The following NELL1 variants were observed in gnomAD, a reference collection of about 807,000 sequenced individuals.
NELL1 encodes the protein protein kinase C-binding protein NELL1.
NELL1 carries 76 observed loss-of-function variants against 107.4 expected under a neutral mutation model. That is an observed-to-expected ratio of 0.71 (90% CI 0.59 to 0.86). The LOEUF is 0.86. Ranked by LOEUF, NELL1 falls within the 40% of genes least tolerant of loss-of-function variation. The probability of loss-of-function intolerance (pLI) is 0.00; values close to 1 mark genes in which losing one functional copy is unlikely to be tolerated. For missense variants in NELL1, 1,024 were observed against 1,005.5 expected (o/e 1.02, Z -0.25); for synonymous variants, 353 against 341.2 (o/e 1.03, Z -0.38).
intron 12 of NELL1, among the ~76,000 whole-genome samples, chr11:20,983,993 G>A (rs948136951): frequency 6.6e-6 from 1 of 152,018 alleles, no homozygotes; most frequent in Non-Finnish European, 1.5e-5. Context: ...TCTTCCTGCA[G>A]CATTCTTCCC....
At chr11:21,080,665 A>G (rs79675479) in intron 12 of NELL1, among the ~76,000 whole-genome samples, 2,348 of 152,218 alleles carry the variant, frequency 0.015, 62 homozygotes, top group African/African-American at 0.053. Flanking sequence ...ATCTGTGCAC[A>G]TGGTACATGC....
At chr11:20,952,847 C>A (rs939760351) in intron 11 of NELL1, among the ~76,000 whole-genome samples, 3 of 152,144 alleles carry the variant, frequency 2.0e-5, no homozygotes, top group Non-Finnish European at 4.4e-5. Flanking sequence ...AAGGGAAGAC[C>A]CTTAAATGTT....
At chr11:21,179,861 A>ATT (rs1856791147) in intron 13 of NELL1, among the ~76,000 whole-genome samples, 2 of 41,024 alleles carry the variant, frequency 4.9e-5, no homozygotes, top group East Asian at 7.5e-4. Flanking sequence ...AAATCAACAC[A>ATT]CTTTTTTTTT....
intron 12 of NELL1, among the ~76,000 whole-genome samples, chr11:20,976,601 A>G (rs1851641260): frequency 6.6e-6 from 1 of 152,232 alleles, no homozygotes; most frequent in Admixed American, 6.5e-5. Context: ...AAATTTGCAT[A>G]TAATGGCTTT....
Position 20,669,689 on chromosome 11 carries a change from C to T in NELL1, c.-35C>T, listed in dbSNP as rs377595405. On this transcript the variant is annotated 5_prime_UTR_variant, in exon 1 of 20. Coordinates refer to ENST00000357134, the MANE Select transcript of NELL1 (RefSeq NM_006157.5). This position sits in a 1 kb window ranked among gnomAD's most constrained non-coding sequence, Gnocchi z 4.4. ...AGGCTCATTTGCTTCCACCTAGCTT[C>T]GGTGCCCCCTGCTAGGCGGGGACCC... 8 of 1,590,804 alleles carry T rather than the reference C, an allele frequency of 5.0e-6. No individual in the cohort carries two copies. Among genetic ancestry groups the T allele is most frequent in the Admixed American group, 1.7e-5 (1 of 59,864 alleles).
intron 11 of NELL1, among the ~76,000 whole-genome samples, chr11:20,954,870 G>A (rs1851139663): frequency 1.3e-5 from 2 of 152,142 alleles, no homozygotes. Context: ...CATATGCATT[G>A]GAAAATCAAC....
chr11:21,249,387 AAAG>A (rs1408295590), intron 14 of NELL1, among the ~76,000 whole-genome samples: 3 of 152,086 alleles, frequency 2.0e-5, no homozygotes, highest in African/African-American at 7.2e-5. Flanking sequence ...TATATTCTTG[AAAG>A]AAGGTTTTTT....
rs1364758977 is a variant in NELL1 at position 21,166,728 on chromosome 11, CA to C, written c.1426+53017del. 1.9e-4 allele frequency among the ~76,000 whole-genome samples: 29 copies of C among 151,826 alleles called. No homozygotes were observed. In the East Asian group the frequency reaches 5.6e-3, roughly 29 times the overall value. On this transcript the variant is annotated intron_variant, in intron 13 of 19. Coordinates refer to ENST00000357134, the MANE Select transcript of NELL1 (RefSeq NM_006157.5). ...AGAGGCTAAGGCCGAAACTTTTGAT[CA>C]AATGAAAGAAAATGAAAGGAAAAAA... is the stretch of plus-strand genomic sequence containing the variant.
chr11:20,968,913 C>G (rs1851439469), intron 12 of NELL1, among the ~76,000 whole-genome samples: 2 of 152,088 alleles, frequency 1.3e-5, no homozygotes, highest in Non-Finnish European at 2.9e-5. Context: ...GTGGCTCTAT[C>G]TAACTGCAAG....
intron 13 of NELL1, among the ~76,000 whole-genome samples, chr11:21,172,095 G>C (rs1482180777): frequency 1.5e-5 from 2 of 131,014 alleles, no homozygotes; most frequent in East Asian, 2.0e-4. Context: ...ATCCAAGAAG[G>C]GCGTTTTAAA....
At position 21,127,771 on chromosome 11, in the gene NELL1, C is replaced by G. The variant is rs190744602; in HGVS notation, c.1426+14057C>G. Among the ~76,000 whole-genome samples, 498 of 152,250 alleles carry G rather than the reference C, an allele frequency of 3.3e-3. 2 individuals carry two copies. The highest frequency in any genetic ancestry group is 0.011 in the African/African-American group (473 of 41,550). Reference sequence around the variant, plus strand: ...ACATTGTGGAAATCACACTAATGATCAATATTCAATTTTTTCTTTTTACTT... The same window carrying G: ...ACATTGTGGAAATCACACTAATGATGAATATTCAATTTTTTCTTTTTACTT... On this transcript the variant is annotated intron_variant, in intron 13 of 19. Coordinates refer to ENST00000357134, the MANE Select transcript of NELL1 (RefSeq NM_006157.5).
intron 15 of NELL1, among the ~76,000 whole-genome samples, chr11:21,396,481 A>G (rs1289411359): frequency 1.3e-5 from 2 of 151,662 alleles, no homozygotes; most frequent in East Asian, 2.0e-4. Context: ...GAAATACAAG[A>G]TCTGGCCACA....
chr11:20,687,695 G>A (rs980777109), intron 2 of NELL1, among the ~76,000 whole-genome samples: 1 of 151,852 alleles, frequency 6.6e-6, no homozygotes, highest in Non-Finnish European at 1.5e-5. Context: ...GGGTTCAAGC[G>A]ATTCTCCTAC....
chr11:20,724,838 A>G (rs1855473307), intron 2 of NELL1, among the ~76,000 whole-genome samples: 1 of 152,192 alleles, frequency 6.6e-6, no homozygotes, highest in Non-Finnish European at 1.5e-5. Context: ...CCATTCTTAC[A>G]CTGTTACAAA....
chr11:20,869,467 C>A (rs1483584944), intron 4 of NELL1, among the ~76,000 whole-genome samples: 1 of 152,136 alleles, frequency 6.6e-6, no homozygotes, highest in Non-Finnish European at 1.5e-5. Context: ...ATGTAAGAGG[C>A]AGAGACAACT....
intron 11 of NELL1, among the ~76,000 whole-genome samples, chr11:20,949,014 A>G (rs767357371): frequency 1.3e-4 from 20 of 152,228 alleles, no homozygotes; most frequent in South Asian, 6.2e-4. Flanking sequence ...GGGTTACAAA[A>G]TAAATATTTT....
Position 21,309,258 on chromosome 11 carries a change from A to AT in NELL1, c.1550-61594dup, listed in dbSNP as rs1466941176. ...AAAAAAACCCACTCTAAATATATAT[A>AT]TGTATATATATATATATATATGTAT... On this transcript the variant is annotated intron_variant, in intron 14 of 19. Transcript: ENST00000357134. 8.8e-5 allele frequency among the ~76,000 whole-genome samples: 4 copies of AT among 45,396 alleles called. No homozygotes were observed. The Admixed American group carries it at 9.3e-4, about 11-fold the overall frequency. The allele number at this position is 45,396 out of a possible 152,430, so 29.8% of individuals were successfully genotyped here. A position where few individuals can be genotyped will look rare whatever the true frequency, so the allele number is the denominator to read the frequency against.
chr11:20,947,749 T>C lies in NELL1; in HGVS notation c.1171+314T>C, dbSNP rs551230307. 3.5e-3 allele frequency among the ~76,000 whole-genome samples: 529 copies of C among 152,306 alleles called. 6 individuals carry two copies. Among genetic ancestry groups the C allele is most frequent in the Non-Finnish European group, 6.4e-3 (436 of 68,016 alleles). ...CCTATAATAATGCTAATGTTAGTTC[T>C]TATAATAATAACCATTATCATCATT... On this transcript the variant is annotated intron_variant, in intron 11 of 19. Coordinates refer to ENST00000357134, the MANE Select transcript of NELL1 (RefSeq NM_006157.5).
At chr11:21,041,332 A>C (rs1384788731) in intron 12 of NELL1, among the ~76,000 whole-genome samples, 1 of 151,868 alleles carries the variant, frequency 6.6e-6, no homozygotes, top group Non-Finnish European at 1.5e-5. Flanking sequence ...AAAAATAGTT[A>C]ATATAAATAT....
Sources: gnomAD v4.1 joint callset for allele counts (sites outside exome capture counted in the v4.1 genomes callset) on GRCh38, gnomAD v4.1.1 for gene constraint, Gnocchi (gnomAD v3.1) non-coding constraint, MANE v1.5 for transcripts, NCBI Gene and HGNC (gene_info 2026-07-23, HGNC 2026-07-21) for gene names.